TRAPPC9: variants seen among roughly 807,000 people sequenced by gnomAD.
TRAPPC9 encodes the protein IKK2 binding protein.
In TRAPPC9, 83 loss-of-function variants were observed where a neutral mutation model predicts 124.0. The observed-to-expected ratio is 0.67, with a 90% CI of 0.56 to 0.80. The LOEUF is 0.80. Ranked by LOEUF, TRAPPC9 falls within the 30% of genes least tolerant of loss-of-function variation. TRAPPC9 has a pLI of 0.00. For synonymous variants in TRAPPC9, 638 were observed against 617.5 expected (o/e 1.03, Z -0.49); for missense variants, 1,302 against 1,508.3 (o/e 0.86, Z 2.27).
chr8:140,325,547 T>TG (rs779098149), intron 9 of TRAPPC9, among the ~76,000 whole-genome samples: 1 of 152,138 alleles, frequency 6.6e-6, no homozygotes, highest in Non-Finnish European at 1.5e-5. Flanking sequence ...ACAAACTCCT[T>TG]GGGGGTAAAA....
At chr8:139,946,113 C>T (rs537403788) in intron 19 of TRAPPC9, among the ~76,000 whole-genome samples, 6 of 152,278 alleles carry the variant, frequency 3.9e-5, no homozygotes, top group Admixed American at 6.5e-5. Flanking sequence ...GGTGGATATG[C>T]GGAATTTTCC....
intron 15 of TRAPPC9, among the ~76,000 whole-genome samples, chr8:140,268,465 A>G (rs2064764715): frequency 6.6e-6 from 1 of 152,268 alleles, no homozygotes; most frequent in African/African-American, 2.4e-5. Flanking sequence ...AGCTTGGAAC[A>G]AGAATTAAAA....
chr8:140,419,428 C>CAAA (rs61155157), intron 5 of TRAPPC9, among the ~76,000 whole-genome samples: 22 of 79,572 alleles, frequency 2.8e-4, no homozygotes, highest in East Asian at 6.1e-4. Flanking sequence ...GACTCCGTCT[C>CAAA]AAAAAAAAAA....
At chr8:140,121,295 G>A (rs1563776541) in intron 17 of TRAPPC9, among the ~76,000 whole-genome samples, 1 of 152,236 alleles carries the variant, frequency 6.6e-6, no homozygotes, top group East Asian at 1.9e-4. Context: ...ACATCCATGG[G>A]CCTGGGTGTT....
intron 21 of TRAPPC9, among the ~76,000 whole-genome samples, chr8:139,875,498 G>A (rs1829261629): frequency 6.6e-6 from 1 of 152,324 alleles, no homozygotes; most frequent in Non-Finnish European, 1.5e-5. Flanking sequence ...TCAAAAAGAA[G>A]GTAACTACTT....
At chr8:140,452,052 T>C (rs1323002498) in intron 1 of TRAPPC9, among the ~76,000 whole-genome samples, 2 of 136,424 alleles carry the variant, frequency 1.5e-5, no homozygotes, top group Non-Finnish European at 3.1e-5. Flanking sequence ...ACCCGGGAGG[T>C]GAAAGCTGCA....
At chr8:139,736,035 G>A (rs1489611166) in intron 21 of TRAPPC9, among the ~76,000 whole-genome samples, 2 of 152,220 alleles carry the variant, frequency 1.3e-5, no homozygotes, top group Admixed American at 6.5e-5. Flanking sequence ...GGGAAAGGCC[G>A]TTTGACAACT....
At chr8:139,899,269 A>C (rs1830869422) in intron 20 of TRAPPC9, among the ~76,000 whole-genome samples, 1 of 152,198 alleles carries the variant, frequency 6.6e-6, no homozygotes, top group African/African-American at 2.4e-5. Context: ...ACCAAAACTT[A>C]ACTACTAATA....
intron 19 of TRAPPC9, among the ~76,000 whole-genome samples, chr8:139,971,551 C>T (rs1836066656): frequency 1.3e-5 from 2 of 152,138 alleles, no homozygotes; most frequent in African/African-American, 4.8e-5. Context: ...CCCCTGCCTT[C>T]ATACCTTGCA....
At chr8:139,996,888 C>A (rs1002257428) in intron 18 of TRAPPC9, among the ~76,000 whole-genome samples, 5 of 152,096 alleles carry the variant, frequency 3.3e-5, no homozygotes, top group African/African-American at 1.2e-4. Context: ...TACAGGCACA[C>A]ACCACCACAC....
intron 21 of TRAPPC9, among the ~76,000 whole-genome samples, chr8:139,746,517 C>A (rs557158594): frequency 1.1e-3 from 172 of 152,186 alleles, no homozygotes; most frequent in African/African-American, 3.8e-3. Context: ...AGGGGTGGGG[C>A]CCCAGGTGGG....
chr8:139,884,423 C>T (rs996069201), intron 21 of TRAPPC9, among the ~76,000 whole-genome samples: 4 of 152,186 alleles, frequency 2.6e-5, no homozygotes, highest in African/African-American at 7.2e-5. Context: ...TGCCCACTTC[C>T]CCACCCCAAG....
intron 19 of TRAPPC9, among the ~76,000 whole-genome samples, chr8:139,947,002 A>T (rs891348688): frequency 6.6e-5 from 10 of 151,480 alleles, no homozygotes; most frequent in Non-Finnish European, 1.3e-4. Flanking sequence ...ACAAAACAAA[A>T]CAAAAAACCA....
At chr8:140,065,446 A>G (rs1047996145) in intron 17 of TRAPPC9, among the ~76,000 whole-genome samples, 101 of 152,368 alleles carry the variant, frequency 6.6e-4, no homozygotes, top group African/African-American at 2.4e-3. Flanking sequence ...AGAAGATGCC[A>G]TCTAGGACTT....
Position 140,077,340 on chromosome 8 carries a change from GAATGAACAT to G in TRAPPC9, c.2557-53270_2557-53262del, listed in dbSNP as rs565471053. 3.3e-5 allele frequency among the ~76,000 whole-genome samples: 5 copies of G among 152,308 alleles called. No homozygotes were observed. The South Asian group carries it at 1.0e-3, about 32-fold the overall frequency. ...TGGTTGAGTAAATGAATAAATGGGTGAATGAACATAATCCTTGCTCTTAGGGAACATGTA... is the reference window on the plus strand; with the variant it reads ...TGGTTGAGTAAATGAATAAATGGGTGAATCCTTGCTCTTAGGGAACATGTA... On this transcript the variant is annotated intron_variant, in intron 17 of 22. Coordinates refer to ENST00000438773, the MANE Select transcript of TRAPPC9 (RefSeq NM_001160372.4).
intron 19 of TRAPPC9, among the ~76,000 whole-genome samples, chr8:139,939,818 C>T (rs995961048): frequency 6.6e-6 from 1 of 152,172 alleles, no homozygotes; most frequent in Non-Finnish European, 1.5e-5. Context: ...AGAATGGCAA[C>T]AAAAATGCCT....
chr8:139,754,643 G>A (rs1819575123), intron 21 of TRAPPC9, among the ~76,000 whole-genome samples: 1 of 152,208 alleles, frequency 6.6e-6, no homozygotes, highest in African/African-American at 2.4e-5. Flanking sequence ...AATCCTCACT[G>A]GGCCTGCCCA....
rs911061643 is a variant in TRAPPC9 at position 139,994,357 on chromosome 8, G to C, written c.2700-5521C>G. Among the ~76,000 whole-genome samples, 16 of 152,300 alleles carry C rather than the reference G, an allele frequency of 1.1e-4. 1 individual carries two copies. Among genetic ancestry groups the C allele is most frequent in the African/African-American group, 3.8e-4 (16 of 41,570 alleles). ...CTGAGGCACAGAAGAGGAAATAATT[G>C]CTCTCCCAACTCTTTCCCTCACTAG... is the stretch of plus-strand genomic sequence containing the variant. On this transcript the variant is annotated intron_variant, in intron 18 of 22. Coordinates refer to ENST00000438773, the MANE Select transcript of TRAPPC9 (RefSeq NM_001160372.4).
At chr8:140,387,319 G>T (rs1331026127) in intron 7 of TRAPPC9, among the ~76,000 whole-genome samples, 1 of 152,132 alleles carries the variant, frequency 6.6e-6, no homozygotes, top group Non-Finnish European at 1.5e-5. Context: ...CACGGGCAAG[G>T]ACTTCATGTC....
Sources: allele counts gnomAD v4.1 joint callset (sites outside exome capture counted in the v4.1 genomes callset), GRCh38; gene constraint gnomAD v4.1.1; transcripts MANE v1.5; gene names NCBI Gene and HGNC (gene_info 2026-07-23, HGNC 2026-07-21).